Variants in ARMH4 observed in about 807,000 individuals in gnomAD.
ARMH4 encodes armadillo-like helical domain-containing protein 4.
Under a neutral mutation model 61.9 loss-of-function variants are expected in ARMH4, and 49 were observed. That is an observed-to-expected ratio of 0.79 (90% confidence interval 0.63 to 1.00). The LOEUF is 1.00. Ranked by LOEUF, ARMH4 falls within the 50% of genes least tolerant of loss-of-function variation. ARMH4 has a pLI of 0.00. For synonymous variants in ARMH4, 368 were observed against 341.5 expected, an observed-to-expected ratio of 1.08 and a Z score of -0.85; for missense variants, 934 against 930.0, an observed-to-expected ratio of 1.00 and a Z score of -0.06.
intron 4 of ARMH4, among the ~76,000 whole-genome samples, chr14:58,124,977 G>A (rs1312058014): frequency 6.6e-6 from 1 of 152,136 alleles, no homozygotes; most frequent in East Asian, 1.9e-4. Context: ...GCAGCAATAT[G>A]GAGAGAAAGG....
At chr14:58,114,193 T>C (rs1222982114) in intron 4 of ARMH4, among the ~76,000 whole-genome samples, 1 of 152,192 alleles carries the variant, frequency 6.6e-6, no homozygotes, top group Non-Finnish European at 1.5e-5. Flanking sequence ...AGAATTTACA[T>C]TTCCTTCTGT....
chr14:58,138,152 G>C lies in ARMH4; in HGVS notation c.1207C>G (p.Leu403Val). 1 of 1,614,130 alleles carries C rather than the reference G, an allele frequency of 6.2e-7. No homozygotes were observed. Among genetic ancestry groups the C allele is most frequent in the Non-Finnish European group, 8.5e-7 (1 of 1,180,022 alleles). The change falls in exon 2 of 8, where the codon CTG becomes GTG. Residue 403 changes from leucine to valine, a missense_variant. Transcript: ENST00000267485. ...TDQSSFTPTS[L>V]MEDMKVSIVN... ...ATGGAAACTTTCATGTCTTCCATCA[G>C]ACTTGTGGGGGTAAAGGAACTTTGA...
At chr14:58,106,853 T>C (rs571564960) in intron 4 of ARMH4, among the ~76,000 whole-genome samples, 2 of 152,140 alleles carry the variant, frequency 1.3e-5, no homozygotes, top group South Asian at 4.2e-4. Flanking sequence ...GAGGCTTAAA[T>C]GAGCTTGTGC....
At chr14:58,053,408 C>G (rs1884211915) in intron 5 of ARMH4, among the ~76,000 whole-genome samples, 1 of 152,204 alleles carries the variant, frequency 6.6e-6, no homozygotes, top group Non-Finnish European at 1.5e-5. Context: ...TCACCAGCCC[C>G]CAGTGCACTT....
intron 5 of ARMH4, among the ~76,000 whole-genome samples, chr14:58,019,014 T>C (rs188945683): frequency 3.2e-4 from 49 of 151,522 alleles, no homozygotes; most frequent in African/African-American, 1.1e-3. Flanking sequence ...CAAAATAAGC[T>C]AGGCACAGAA....
At chr14:58,088,504 A>G (rs1885452866) in intron 5 of ARMH4, among the ~76,000 whole-genome samples, 1 of 151,620 alleles carries the variant, frequency 6.6e-6, no homozygotes, top group Non-Finnish European at 1.5e-5. Flanking sequence ...TCTCTTGTCT[A>G]GGAAAAATAA....
intron 5 of ARMH4, among the ~76,000 whole-genome samples, chr14:58,020,178 G>C (rs764710748): frequency 6.6e-6 from 1 of 152,172 alleles, no homozygotes; most frequent in Non-Finnish European, 1.5e-5. Flanking sequence ...TCTGGAATTG[G>C]AACTCAGACC....
At position 58,099,898 on chromosome 14, in the gene ARMH4, C is replaced by T. The variant is rs558123623; in HGVS notation, c.1832-2917G>A. On this transcript the variant is annotated intron_variant, in intron 4 of 7. Transcript: ENST00000267485. ...CACGTTGCTGAATTTTGCTGTGCCT[C>T]AACCTCCTCGTCTGTAAAACTGATA... Among the ~76,000 whole-genome samples, 41 of 152,288 alleles carry T rather than the reference C, an allele frequency of 2.7e-4. No homozygotes were observed. In the South Asian group the frequency reaches 5.0e-3, roughly 18 times the overall value.
chr14:58,048,206 C>T (rs1461616901), intron 5 of ARMH4, among the ~76,000 whole-genome samples: 2 of 152,156 alleles, frequency 1.3e-5, no homozygotes, highest in African/African-American at 4.8e-5. Context: ...AAGCTTATAA[C>T]GGGAAAAACC....
At chr14:58,098,139 G>A (rs1291797476) in intron 4 of ARMH4, among the ~76,000 whole-genome samples, 1 of 152,044 alleles carries the variant, frequency 6.6e-6, no homozygotes, top group African/African-American at 2.4e-5. Flanking sequence ...AGAAGAACTG[G>A]AGCCACCCAA....
At chr14:58,145,484 G>A (rs1887706885) in intron 1 of ARMH4, among the ~76,000 whole-genome samples, 1 of 152,214 alleles carries the variant, frequency 6.6e-6, no homozygotes, top group Admixed American at 6.5e-5. Flanking sequence ...CATGTGGACT[G>A]AGAGAAAAAT....
chr14:58,014,888 G>A (rs950338719), intron 5 of ARMH4, among the ~76,000 whole-genome samples: 1 of 152,176 alleles, frequency 6.6e-6, no homozygotes, highest in Non-Finnish European at 1.5e-5. Flanking sequence ...CTTGCAATCA[G>A]GGACTCAGTT....
chr14:58,010,024 C>T (rs66813811), intron 6 of ARMH4, among the ~76,000 whole-genome samples: 1 of 152,150 alleles, frequency 6.6e-6, no homozygotes, highest in East Asian at 1.9e-4. Flanking sequence ...AGACTCAATA[C>T]TGGAACAATT....
chr14:58,147,206 T>C (rs1185225271), intron 1 of ARMH4, among the ~76,000 whole-genome samples: 3 of 152,316 alleles, frequency 2.0e-5, no homozygotes, highest in South Asian at 2.1e-4. Flanking sequence ...ATAATCTCTT[T>C]TGGAATTGTA....
intron 4 of ARMH4, among the ~76,000 whole-genome samples, chr14:58,100,150 G>A (rs1248071308): frequency 2.6e-5 from 4 of 152,138 alleles, no homozygotes; most frequent in Admixed American, 2.0e-4. Context: ...TTGGTGGGTA[G>A]GGGATCTTTA....
chr14:58,084,373 G>A (rs1049528703), intron 5 of ARMH4, among the ~76,000 whole-genome samples: 3 of 152,162 alleles, frequency 2.0e-5, no homozygotes, highest in Admixed American at 1.3e-4. Flanking sequence ...TGTGTGCATG[G>A]CCTCTACTAT....
intron 5 of ARMH4, among the ~76,000 whole-genome samples, chr14:58,057,001 A>G (rs1884368864): frequency 6.6e-6 from 1 of 152,048 alleles, no homozygotes; most frequent in African/African-American, 2.4e-5. Flanking sequence ...GACATCAACA[A>G]TGCCCTACTA....
At position 58,129,600 on chromosome 14, in the gene ARMH4, A is replaced by G. The variant is rs934433484; in HGVS notation, c.1831+1912T>C. ...TCAAGCTGCACTTATATTCCCGGGC[A>G]AGGTAGAAAAACATGCATTGAAAAT... is the stretch of plus-strand genomic sequence containing the variant. On this transcript the variant is annotated intron_variant, in intron 4 of 7. Coordinates refer to ENST00000267485, the MANE Select transcript of ARMH4 (RefSeq NM_001001872.4). Among the ~76,000 whole-genome samples, 13 of 152,352 alleles carry G rather than the reference A, an allele frequency of 8.5e-5. 1 individual carries two copies. Among genetic ancestry groups the G allele is most frequent in the Admixed American group, 7.2e-4 (11 of 15,308 alleles).
intron 4 of ARMH4, among the ~76,000 whole-genome samples, chr14:58,098,526 T>C (rs2039555627): frequency 6.6e-6 from 1 of 152,084 alleles, no homozygotes; most frequent in Non-Finnish European, 1.5e-5. Context: ...TTAGAAAGGG[T>C]GATTAAAGAA....
Sources: allele counts gnomAD v4.1 joint callset (sites outside exome capture counted in the v4.1 genomes callset), GRCh38; gene constraint gnomAD v4.1.1; transcripts MANE v1.5; gene names NCBI Gene and HGNC (gene_info 2026-07-23, HGNC 2026-07-21).